BRCA1: variants seen among roughly 807,000 people sequenced by gnomAD.
BRCA1 encodes breast cancer type 1 susceptibility protein.
A neutral mutation model predicts 173.7 loss-of-function variants in BRCA1; 140 were observed. That is an observed-to-expected ratio of 0.81 (90% CI 0.70 to 0.93). The LOEUF (loss-of-function observed/expected upper bound fraction) is 0.93, where lower values mean the gene tolerates loss of function less well. Ranked by LOEUF, BRCA1 falls within the 40% of genes least tolerant of loss-of-function variation. BRCA1 has a pLI of 0.00. For missense variants in BRCA1, 1,983 were observed against 2,172.5 expected, an observed-to-expected ratio of 0.91 and a Z score of 1.73; for synonymous variants, 662 against 756.0, an observed-to-expected ratio of 0.88 and a Z score of 2.04.
intron 11 of BRCA1, among the ~76,000 whole-genome samples, chr17:43,086,400 T>A (rs1193143633): frequency 6.6e-6 from 1 of 151,856 alleles, no homozygotes; most frequent in Non-Finnish European, 1.5e-5. Context: ...AACCCAGATA[T>A]CAATGATACC....
chr17:43,082,733 CATGCAATTA>C, intron 11 of BRCA1, 158 bp from the exon 12 acceptor site: 3 of 761,454 alleles, frequency 3.9e-6, no homozygotes, highest in Non-Finnish European at 6.5e-6. Context: ...TAACCACATT[CATGCAATTA>C]ATGCCCATGA....
At chr17:43,138,361 G>C (rs112588588) in intron 1 of BRCA1, 1 of 473,560 alleles carries the variant, frequency 2.1e-6, no homozygotes, top group African/African-American at 2.0e-5. Flanking sequence ...CAAACTCCAG[G>C]TCGGTCCCAG....
chr17:43,051,770 G>A (rs545578139), intron 19 of BRCA1, among the ~76,000 whole-genome samples: 1 of 152,050 alleles, frequency 6.6e-6, no homozygotes, highest in Non-Finnish European at 1.5e-5. Context: ...CTGAGTAGCT[G>A]GGATTACAGG....
intron 1 of BRCA1, among the ~76,000 whole-genome samples, chr17:43,131,722 A>G (rs1353911312): frequency 6.8e-6 from 1 of 147,232 alleles, no homozygotes; most frequent in Non-Finnish European, 1.5e-5. Flanking sequence ...CTCCGTCTCA[A>G]AAAAAAAAAA....
At chr17:43,068,553 T>TAA (rs755171693) in intron 15 of BRCA1, among the ~76,000 whole-genome samples, 2 of 139,794 alleles carry the variant, frequency 1.4e-5, no homozygotes, top group Non-Finnish European at 3.1e-5. Context: ...TTCATGTCTT[T>TAA]AAAAAAAAAA....
intron 6 of BRCA1, among the ~76,000 whole-genome samples, chr17:43,103,119 T>C (rs2054565564): frequency 6.6e-6 from 1 of 152,246 alleles, no homozygotes; most frequent in Middle Eastern, 3.4e-3. Flanking sequence ...ATGGCTATTT[T>C]AGATAAGCAT....
chr17:43,169,879 TCC>T, intron 1 of BRCA1: 1 of 372,872 alleles, frequency 2.7e-6, no homozygotes, highest in Non-Finnish European at 5.3e-6. Flanking sequence ...CACGTTTTTT[TCC>T]CCCCCTCTAC....
Position 43,093,836 on chromosome 17 carries a change from C to G in BRCA1, c.1695G>C (p.Glu565Asp). ...GTGATTCTATTGGGTTAGGATTTTT[C>G]TCATTCTGAATAGAATCACCTTTTG... ...NKTKGDSIQN[E>D]KNPNPIESLE... Residue 565 changes from glutamate to aspartate, a missense_variant, in exon 10 of 23, where the codon GAG (glutamate) becomes GAC (aspartate). Physicochemically the swap from Glu to Asp is conservative, Grantham distance 45. Coordinates refer to ENST00000357654, the MANE Select transcript of BRCA1 (RefSeq NM_007294.4). The G allele has an allele frequency of 6.2e-7, 1 of 1,613,228 alleles. No homozygotes were observed. Among genetic ancestry groups the G allele is most frequent in the South Asian group, 1.1e-5 (1 of 90,930 alleles).
At chr17:43,076,462 A>C in intron 13 of BRCA1, 26 bp downstream of exon 13, 1 of 1,611,602 alleles carries the variant, frequency 6.2e-7, no homozygotes, top group South Asian at 1.1e-5. Flanking sequence ...CAGATACCAC[A>C]GCATCTTTAC....
chr17:43,128,822 T>C (rs1278171693), upstream of BRCA1, among the ~76,000 whole-genome samples: 1 of 151,764 alleles, frequency 6.6e-6, no homozygotes, highest in Non-Finnish European at 1.5e-5. Context: ...CCACACTTTT[T>C]TTTTTTTTTT....
At chr17:43,100,643 TA>T (rs1188462878) in intron 6 of BRCA1, among the ~76,000 whole-genome samples, 1,429 of 60,948 alleles carry the variant, frequency 0.023, 190 homozygotes, top group African/African-American at 0.088. Context: ...TATATATATA[TA>T]ACATATATAT....
At chr17:43,057,313 C>T (rs1247792040) in intron 18 of BRCA1, among the ~76,000 whole-genome samples, 178 bp from the exon 19 acceptor site, 3 of 152,058 alleles carry the variant, frequency 2.0e-5, no homozygotes, top group Non-Finnish European at 2.9e-5. Flanking sequence ...AGTTCGACAC[C>T]AGTCTGACCA....
intron 21 of BRCA1, among the ~76,000 whole-genome samples, chr17:43,048,133 C>T (rs956849285): frequency 1.3e-5 from 2 of 152,140 alleles, no homozygotes; most frequent in Non-Finnish European, 2.9e-5. Context: ...CAGGCTCAAG[C>T]GATTCTCCCA....
chr17:43,059,230 G>A (rs1454088099), intron 18 of BRCA1, among the ~76,000 whole-genome samples: 2 of 152,086 alleles, frequency 1.3e-5, no homozygotes, highest in African/African-American at 2.4e-5. Context: ...TTGGGAGGCC[G>A]AGGTGGGTGG....
At chr17:43,068,239 T>C (rs2052234405) in intron 15 of BRCA1, among the ~76,000 whole-genome samples, 1 of 149,832 alleles carries the variant, frequency 6.7e-6, no homozygotes, top group Non-Finnish European at 1.5e-5. Context: ...ATGGCGCCAC[T>C]GCACTCTAGC....
intron 1 of BRCA1, among the ~76,000 whole-genome samples, chr17:43,142,992 G>GTATATATGTGTGCA (rs2056089093): frequency 3.4e-5 from 5 of 146,060 alleles, no homozygotes; most frequent in East Asian, 4.0e-4. Context: ...ATATATATAT[G>GTATATATGTGTGCA]TATATATGTA....
At chr17:43,119,855 A>C (rs2055468357) in intron 2 of BRCA1, among the ~76,000 whole-genome samples, 1 of 152,252 alleles carries the variant, frequency 6.6e-6, no homozygotes, top group Non-Finnish European at 1.5e-5. Flanking sequence ...TCTAAACTAT[A>C]TAAACACACT....
chr17:43,117,695 C>T (rs566705389), intron 2 of BRCA1, among the ~76,000 whole-genome samples: 6 of 152,140 alleles, frequency 3.9e-5, no homozygotes, highest in East Asian at 1.9e-4. Flanking sequence ...GCCAAGATCG[C>T]GCCACTGTAC....
intron 19 of BRCA1, among the ~76,000 whole-genome samples, chr17:43,052,159 C>T (rs2051268553): frequency 6.6e-6 from 1 of 152,202 alleles, no homozygotes; most frequent in Non-Finnish European, 1.5e-5. Context: ...TTCAAAACAA[C>T]TTTCTGTGAT....
Sources: gnomAD v4.1 joint callset for allele counts (sites outside exome capture counted in the v4.1 genomes callset) on GRCh38, gnomAD v4.1.1 for gene constraint, MANE v1.5 for transcripts, NCBI Gene and HGNC (gene_info 2026-07-23, HGNC 2026-07-21) for gene names.